The following HIVEP1 variants were observed in gnomAD, a reference collection of about 807,000 sequenced individuals.
HIVEP1 encodes the protein HIVEP zinc finger 1, also known as zinc finger protein 40.
A neutral mutation model predicts 180.0 loss-of-function variants in HIVEP1; 36 were observed. The ratio of observed to expected loss-of-function variants is 0.20; its 90% confidence interval spans 0.15 to 0.26. The LOEUF (loss-of-function observed/expected upper bound fraction) is 0.26, where lower values mean the gene tolerates loss of function less well. Among genes scored for constraint, HIVEP1 ranks in the 10% least tolerant of loss-of-function variants. HIVEP1 has a pLI of 1.00. For missense variants in HIVEP1, 3,143 were observed against 3,268.7 expected (o/e 0.96, Z 0.94); for synonymous variants, 1,239 against 1,239.0 (o/e 1.00, Z 0.00).
chr6:12,120,484 C>T lies in HIVEP1; in HGVS notation c.689C>T (p.Ala230Val), dbSNP rs373797533. The change falls in exon 4 of 9, where the codon GCA becomes GTA. Residue 230 changes from alanine to valine, a missense_variant. Ala to Val is a moderately conservative substitution (Grantham distance 64). Around this residue, in one of 12 missense-constraint regions of HIVEP1, gnomAD observed 306 missense variants for 310.6 expected, o/e 0.99. Transcript: ENST00000379388. ...GAAAAACTGAGGCCAAATAAAACTG[C>T]ACGTTCCCCTCCCAAATTAAAAAAC... is the stretch of plus-strand genomic sequence containing the variant. ...KTEKLRPNKT[A>V]RSPPKLKNSS... 12 of 1,614,040 alleles carry T rather than the reference C, an allele frequency of 7.4e-6. No homozygotes were observed. The African/African-American group carries it at 1.3e-4, about 18-fold the overall frequency.
chr6:12,037,414 A>C (rs899692214), intron 2 of HIVEP1, among the ~76,000 whole-genome samples: 1 of 152,224 alleles, frequency 6.6e-6, no homozygotes, highest in Admixed American at 6.5e-5. Flanking sequence ...TATATTGATC[A>C]GCGATGATTT....
rs114809257 is a variant in HIVEP1, at chr6:12,061,599, T to C, written c.41-27585T>C. Among the ~76,000 whole-genome samples the C allele has an allele frequency of 9.1e-3, 1,385 of 152,168 alleles. 17 individuals carry two copies. Among genetic ancestry groups the C allele is most frequent in the African/African-American group, 0.032 (1,313 of 41,418 alleles). ...AAATGCTTATATCTGAAGAGATGAA[T>C]TTTGAGAATTTTGATCATTGTTATA... is the stretch of plus-strand genomic sequence containing the variant. On this transcript the variant is annotated intron_variant, in intron 2 of 8. Transcript: ENST00000379388.
intron 2 of HIVEP1, among the ~76,000 whole-genome samples, chr6:12,048,543 C>T (rs1228052899): frequency 6.6e-6 from 1 of 152,154 alleles, no homozygotes; most frequent in Non-Finnish European, 1.5e-5. Context: ...ACTTGTGAGT[C>T]ACAGAGTATT....
chr6:12,032,553 C>T (rs1381645362), intron 2 of HIVEP1, among the ~76,000 whole-genome samples: 2 of 152,150 alleles, frequency 1.3e-5, no homozygotes, highest in Admixed American at 6.6e-5. Flanking sequence ...CCTGGTACAA[C>T]TTACTAGGTC....
At chr6:12,040,692 T>C (rs1769622128) in intron 2 of HIVEP1, among the ~76,000 whole-genome samples, 1 of 152,236 alleles carries the variant, frequency 6.6e-6, no homozygotes, top group African/African-American at 2.4e-5. Context: ...CTTACATTGC[T>C]ATAAAGCAGT....
chr6:12,051,983 T>TC (rs981051051), intron 2 of HIVEP1, among the ~76,000 whole-genome samples: 70 of 152,318 alleles, frequency 4.6e-4, no homozygotes, highest in Middle Eastern at 3.4e-3. Flanking sequence ...ACATACTGTG[T>TC]GGGGGGACTT....
intron 4 of HIVEP1, among the ~76,000 whole-genome samples, chr6:12,127,196 C>T (rs115151264): frequency 0.01 from 1,588 of 152,154 alleles, 25 homozygotes; most frequent in African/African-American, 0.036. Flanking sequence ...CACGAAATGA[C>T]ATGGAAATGA....
At chr6:12,128,602 G>A (rs529261552) in intron 4 of HIVEP1, among the ~76,000 whole-genome samples, 3 of 152,184 alleles carry the variant, frequency 2.0e-5, no homozygotes, top group Admixed American at 6.5e-5. Context: ...CCCTGAGAGC[G>A]TCCTTCCTCA....
intron 2 of HIVEP1, among the ~76,000 whole-genome samples, chr6:12,043,228 T>A (rs1769890059): frequency 6.6e-6 from 1 of 152,162 alleles, no homozygotes. Flanking sequence ...GATTCTCAAG[T>A]CTCTGTTTTT....
intron 7 of HIVEP1, among the ~76,000 whole-genome samples, chr6:12,145,757 G>A (rs1277761050): frequency 6.6e-6 from 1 of 152,150 alleles, no homozygotes; most frequent in African/African-American, 2.4e-5. Context: ...TTGTGTGCGT[G>A]TTTATTATCT....
chr6:12,076,290 G>A (rs1010746946), intron 2 of HIVEP1, among the ~76,000 whole-genome samples: 5 of 152,032 alleles, frequency 3.3e-5, no homozygotes, highest in Admixed American at 6.6e-5. Context: ...TACTAATTAA[G>A]CACATGTTTA....
intron 7 of HIVEP1, among the ~76,000 whole-genome samples, chr6:12,141,604 T>C (rs1316474770): frequency 6.7e-6 from 1 of 148,376 alleles, no homozygotes; most frequent in East Asian, 2.0e-4. Flanking sequence ...ATCAGTGTGC[T>C]GTATTCAGGA....
At chr6:12,172,395 ATAAGTTT>A in the HIVEP1 span, among the ~76,000 whole-genome samples, 5 of 152,172 alleles carry the variant, frequency 3.3e-5, no homozygotes, top group Admixed American at 1.3e-4. Flanking sequence ...AAGGACCTAA[ATAAGTTT>A]TAAGTTTTAT....
chr6:12,054,186 C>G (rs902472174), intron 2 of HIVEP1, among the ~76,000 whole-genome samples: 15 of 152,206 alleles, frequency 9.9e-5, no homozygotes, highest in African/African-American at 3.6e-4. Context: ...TTGATTCACT[C>G]ATTTGCCTGA....
chr6:12,208,200 C>CTT, the HIVEP1 span, among the ~76,000 whole-genome samples: 1 of 152,152 alleles, frequency 6.6e-6, no homozygotes, highest in Non-Finnish European at 1.5e-5. Context: ...GTTTCATTAA[C>CTT]TTAGCTACAT....
At chr6:12,010,450 G>A (rs532007984), upstream of HIVEP1, among the ~76,000 whole-genome samples, 1 of 152,150 alleles carries the variant, frequency 6.6e-6, no homozygotes, top group Non-Finnish European at 1.5e-5. Context: ...GGGAATTTTA[G>A]GGGTCAACTC....
chr6:12,147,561 T>C (rs1457513980), intron 7 of HIVEP1, among the ~76,000 whole-genome samples: 1 of 127,134 alleles, frequency 7.9e-6, no homozygotes, highest in African/African-American at 3.5e-5. Flanking sequence ...CTGTTTTATT[T>C]TGTAGTGGGA....
At chr6:12,017,138 C>T (rs921668968) in intron 2 of HIVEP1, among the ~76,000 whole-genome samples, 2 of 152,234 alleles carry the variant, frequency 1.3e-5, no homozygotes, top group African/African-American at 4.8e-5. Context: ...GATAAAATGA[C>T]TATCCTGAGA....
intron 3 of HIVEP1, among the ~76,000 whole-genome samples, chr6:12,100,195 A>G (rs1222352305): frequency 6.6e-6 from 1 of 152,220 alleles, no homozygotes; most frequent in Non-Finnish European, 1.5e-5. Context: ...TTCTGGTAAT[A>G]GACAGTATTG....
Sources: allele counts gnomAD v4.1 joint callset (sites outside exome capture counted in the v4.1 genomes callset), GRCh38; gene constraint gnomAD v4.1.1; regional missense constraint gnomAD v4.1.1; transcripts MANE v1.5; gene names NCBI Gene and HGNC (gene_info 2026-07-23, HGNC 2026-07-21).